Variants in CDH13 observed in about 807,000 individuals in gnomAD.
CDH13 encodes cadherin 13.
A neutral mutation model predicts 63.8 loss-of-function variants in CDH13; 24 were observed. The observed-to-expected ratio is 0.38, with a 90% CI of 0.27 to 0.53. The LOEUF (loss-of-function observed/expected upper bound fraction) is 0.53. Among genes scored for constraint, CDH13 ranks in the 20% least tolerant of loss-of-function variants. The pLI, the probability that CDH13 is intolerant of heterozygous loss-of-function variation, is 0.85. For synonymous variants in CDH13, 503 were observed against 355.3 expected (o/e 1.42, Z -4.67); for missense variants, 1,049 against 903.1 (o/e 1.16, Z -2.07).
intron 10 of CDH13, among the ~76,000 whole-genome samples, chr16:83,733,185 G>A (rs1911204756): frequency 1.3e-5 from 2 of 152,180 alleles, no homozygotes; most frequent in Admixed American, 1.3e-4. Context: ...GGCTGGGAAT[G>A]TGTGATTCTG....
At chr16:83,203,095 A>G (rs976404578) in intron 4 of CDH13, among the ~76,000 whole-genome samples, 1 of 152,160 alleles carries the variant, frequency 6.6e-6, no homozygotes, top group African/African-American at 2.4e-5. Context: ...ATAGTGGTGC[A>G]CGCCTGTAAT....
intron 3 of CDH13, among the ~76,000 whole-genome samples, chr16:83,033,693 C>T (rs186353977): frequency 8.7e-4 from 132 of 152,300 alleles, no homozygotes; most frequent in African/African-American, 3.1e-3. Flanking sequence ...CACAAACTGC[C>T]ATTCAGGCTT....
chr16:83,320,393 C>G (rs190660469), intron 5 of CDH13, among the ~76,000 whole-genome samples: 1 of 152,070 alleles, frequency 6.6e-6, no homozygotes, highest in Non-Finnish European at 1.5e-5. Context: ...CTTATTGTCC[C>G]AAGACCAATC....
rs1014104012 is a variant in CDH13 at position 82,834,234 on chromosome 16, G to A, written c.46-24128G>A. Among the ~76,000 whole-genome samples the A allele has an allele frequency of 9.9e-5, 15 of 152,232 alleles. No homozygotes were observed. The East Asian group carries it at 2.5e-3, about 26-fold the overall frequency. ...CTTTCAGATGAATTTAAAGGTCAAC[G>A]CCTTGTGCATGAAAAGCAGGGGCCT... On this transcript the variant is annotated intron_variant, in intron 1 of 13. Coordinates refer to ENST00000567109, the MANE Select transcript of CDH13 (RefSeq NM_001257.5).
intron 7 of CDH13, among the ~76,000 whole-genome samples, chr16:83,523,951 G>A (rs568977522): frequency 1.9e-4 from 29 of 152,270 alleles, no homozygotes; most frequent in African/African-American, 4.6e-4. Context: ...GATGGAGAGC[G>A]TCCTGGGCAA....
At chr16:83,275,274 C>CT (rs148193164) in intron 5 of CDH13, among the ~76,000 whole-genome samples, 25,620 of 152,116 alleles carry the variant, frequency 0.17, 2,233 homozygotes, top group Middle Eastern at 0.25. Flanking sequence ...TGCTATTTTT[C>CT]TTTTTTCCTT....
At chr16:83,178,896 G>C (rs930629626) in intron 4 of CDH13, among the ~76,000 whole-genome samples, 3 of 152,156 alleles carry the variant, frequency 2.0e-5, no homozygotes, top group African/African-American at 7.2e-5. Flanking sequence ...ACTTATTAAA[G>C]TTGCTTCTGG....
In CDH13 at chr16:83,248,130, G is replaced by A. The variant is rs753266038; in HGVS notation, c.636+30633G>A. ...CAGAGACAGGGGATGTGAACACCAC[G>A]GGAACCTGCTGGCTTTCTTCCACTC... is the stretch of plus-strand genomic sequence containing the variant. On this transcript the variant is annotated intron_variant, in intron 5 of 13. Transcript: ENST00000567109. Among the ~76,000 whole-genome samples, 7 of 152,066 alleles carry A rather than the reference G, an allele frequency of 4.6e-5. No individual in the cohort carries two copies. In the East Asian group the frequency reaches 5.8e-4, roughly 13 times the overall value.
chr16:82,968,698 C>T (rs915213270), intron 2 of CDH13, among the ~76,000 whole-genome samples: 1 of 152,182 alleles, frequency 6.6e-6, no homozygotes, highest in African/African-American at 2.4e-5. Context: ...TTCTTGGCAG[C>T]TCTAGAAGCC....
chr16:83,491,830 G>A (rs562292834), intron 7 of CDH13, among the ~76,000 whole-genome samples: 5 of 152,228 alleles, frequency 3.3e-5, no homozygotes, highest in Admixed American at 1.3e-4. Context: ...TGTATTTTCA[G>A]CTGGTAACGC....
At chr16:82,718,162 T>C (rs369907953) in intron 1 of CDH13, among the ~76,000 whole-genome samples, 1 of 152,136 alleles carries the variant, frequency 6.6e-6, no homozygotes, top group South Asian at 2.1e-4. Flanking sequence ...CAGTTGCTTG[T>C]TCTTATGGGC....
intron 2 of CDH13, among the ~76,000 whole-genome samples, chr16:82,943,099 T>A (rs1430659565): frequency 6.6e-6 from 1 of 152,244 alleles, no homozygotes; most frequent in Non-Finnish European, 1.5e-5. Context: ...AATTGCACTT[T>A]GGAATCGTAT....
intron 2 of CDH13, among the ~76,000 whole-genome samples, chr16:82,861,560 T>C (rs1365943071): frequency 1.3e-5 from 2 of 152,234 alleles, no homozygotes; most frequent in Non-Finnish European, 2.9e-5. Context: ...TATTTCCTTT[T>C]ATCCTTTTTC....
chr16:83,749,273 G>A (rs889454810), intron 11 of CDH13, among the ~76,000 whole-genome samples: 13 of 152,078 alleles, frequency 8.5e-5, no homozygotes, highest in Non-Finnish European at 1.3e-4. Context: ...CTCGTATGCC[G>A]GCTACTCACA....
chr16:83,570,329 C>G (rs1303468268), intron 7 of CDH13, among the ~76,000 whole-genome samples: 2 of 152,142 alleles, frequency 1.3e-5, no homozygotes, highest in African/African-American at 2.4e-5. Flanking sequence ...ACCCCACCTT[C>G]TAAAATCCCC....
At chr16:83,401,893 C>T (rs1331613066) in intron 6 of CDH13, among the ~76,000 whole-genome samples, 1 of 152,188 alleles carries the variant, frequency 6.6e-6, no homozygotes, top group African/African-American at 2.4e-5. Flanking sequence ...TTTTAATCTG[C>T]ACTGAATATA....
At chr16:83,440,548 G>A (rs1040816974) in intron 6 of CDH13, among the ~76,000 whole-genome samples, 1 of 152,168 alleles carries the variant, frequency 6.6e-6, no homozygotes, top group Non-Finnish European at 1.5e-5. Context: ...AGGAGGCCAA[G>A]GCAGGCAGAT....
At chr16:83,238,563 A>T (rs1247913827) in intron 5 of CDH13, among the ~76,000 whole-genome samples, 2 of 152,146 alleles carry the variant, frequency 1.3e-5, no homozygotes, top group Non-Finnish European at 2.9e-5. Context: ...AACCCTGGGG[A>T]AACATGTGGT....
chr16:82,855,336 C>A (rs966982242), intron 1 of CDH13, among the ~76,000 whole-genome samples: 2 of 152,198 alleles, frequency 1.3e-5, no homozygotes, highest in African/African-American at 4.8e-5. Context: ...TGTGGTTTCT[C>A]TCAGTCCTGA....
Sources: allele counts gnomAD v4.1 joint callset (sites outside exome capture counted in the v4.1 genomes callset), GRCh38; gene constraint gnomAD v4.1.1; transcripts MANE v1.5; gene names NCBI Gene and HGNC (gene_info 2026-07-23, HGNC 2026-07-21).